HECW2: variants seen among roughly 807,000 people sequenced by gnomAD.
HECW2 encodes the protein E3 ubiquitin-protein ligase HECW2.
A neutral mutation model predicts 175.2 loss-of-function variants in HECW2; 61 were observed. That is an observed-to-expected ratio of 0.35 (90% CI 0.28 to 0.43). HECW2 has a LOEUF of 0.43. HECW2 is among the 20% of genes least tolerant of loss of function. The pLI is 1.00. For synonymous variants in HECW2, 671 were observed against 731.0 expected, an observed-to-expected ratio of 0.92 and a Z score of 1.32; for missense variants, 1,524 against 2,000.5, an observed-to-expected ratio of 0.76 and a Z score of 4.54.
intron 28 of HECW2, among the ~76,000 whole-genome samples, chr2:196,211,505 C>T (rs1031582143): frequency 6.6e-6 from 1 of 152,130 alleles, no homozygotes; most frequent in Non-Finnish European, 1.5e-5. Context: ...GGTCTCTAGT[C>T]ACTTCATAAC....
chr2:196,351,839 G>C (rs1224848665), intron 2 of HECW2, among the ~76,000 whole-genome samples: 3 of 152,184 alleles, frequency 2.0e-5, no homozygotes, highest in Non-Finnish European at 4.4e-5. Flanking sequence ...GCAATACTAA[G>C]CTAGGAGTTG....
chr2:196,578,894 C>T (rs1363349310), intron 1 of HECW2, among the ~76,000 whole-genome samples: 1 of 152,090 alleles, frequency 6.6e-6, no homozygotes, highest in South Asian at 2.1e-4. Flanking sequence ...AACATTAACT[C>T]AAAGCCACAC....
At chr2:196,223,676 C>G (rs148124296) in intron 23 of HECW2, among the ~76,000 whole-genome samples, 1 of 152,024 alleles carries the variant, frequency 6.6e-6, no homozygotes, top group East Asian at 1.9e-4. Flanking sequence ...CATGATCAGA[C>G]GTGAAATGTG....
intron 17 of HECW2, among the ~76,000 whole-genome samples, chr2:196,266,670 G>T (rs12479171): frequency 0.022 from 3,318 of 152,220 alleles, 120 homozygotes; most frequent in East Asian, 0.16. Flanking sequence ...AAATTCATTT[G>T]CCACAAAGCT....
chr2:196,222,152 T>G, intron 24 of HECW2, 59 bp downstream of exon 24: 1 of 1,508,916 alleles, frequency 6.6e-7, no homozygotes, highest in Non-Finnish European at 9.0e-7. Context: ...AGTTAATTCT[T>G]CACTCATCAA....
chr2:196,462,035 C>CAT lies in HECW2; in HGVS notation c.-35-28579_-35-28578dup, dbSNP rs547958103. ...CATCCTGTCAGACCTTTTCTGTACT[C>CAT]ATATATATATGTGTGTGTGCGTATA... On this transcript the variant is annotated intron_variant, in intron 1 of 28. Transcript: ENST00000644978. Among the ~76,000 whole-genome samples the CAT allele has an allele frequency of 2.6e-4, 39 of 152,008 alleles. No individual in the cohort carries two copies. In the South Asian group the frequency reaches 6.9e-3, roughly 27 times the overall value.
chr2:196,306,757 G>T, intron 12 of HECW2, 145 bp from the exon 13 acceptor site: 2 of 812,406 alleles, frequency 2.5e-6, no homozygotes, highest in Non-Finnish European at 3.6e-6. Context: ...TTTTTTCTTT[G>T]CTGTAAATTC....
chr2:196,259,496 T>A (rs1028606345), intron 17 of HECW2, among the ~76,000 whole-genome samples: 1 of 152,204 alleles, frequency 6.6e-6, no homozygotes, highest in Admixed American at 6.5e-5. Context: ...ATATGATAGA[T>A]GAAGCAGCTA....
At chr2:196,515,397 C>T (rs1481724109) in intron 1 of HECW2, among the ~76,000 whole-genome samples, 4 of 152,310 alleles carry the variant, frequency 2.6e-5, no homozygotes, top group African/African-American at 4.8e-5. Context: ...AAGGTGCTGC[C>T]GGCAACAGAG....
intron 2 of HECW2, among the ~76,000 whole-genome samples, chr2:196,428,271 G>C (rs1405734716): frequency 2.0e-5 from 3 of 152,134 alleles, no homozygotes; most frequent in African/African-American, 7.2e-5. Flanking sequence ...ACAACTGAAG[G>C]GGAGAGGCTG....
intron 17 of HECW2, among the ~76,000 whole-genome samples, chr2:196,259,412 G>T (rs1199367598): frequency 6.6e-6 from 1 of 152,186 alleles, no homozygotes; most frequent in Non-Finnish European, 1.5e-5. Flanking sequence ...CAATGGATTT[G>T]CCCTTAGCCA....
rs1171748832 is a variant in HECW2, at chr2:196,325,097, A to G, written c.624T>C (p.Tyr208=). The G allele has an allele frequency of 6.2e-7, 1 of 1,612,770 alleles. No individual in the cohort carries two copies. The highest frequency in any genetic ancestry group is 1.7e-5 in the Admixed American group (1 of 59,792). Residue 208 remains tyrosine (Y), a synonymous_variant, in exon 6 of 29, where the codon TAT becomes TAC. Transcript: ENST00000644978. ...KKGMFFNPDP[Y]LKMSIQPGKK... is the part of the protein sequence containing the mutation. ...TTCCTGGCTGAATTGACATCTTAAG[A>G]TAAGGGTCAGGATTGAAGAACATCC...
intron 14 of HECW2, chr2:196,291,088 T>C (rs993649815): frequency 1.3e-5 from 2 of 152,188 alleles, no homozygotes; most frequent in African/African-American, 4.8e-5. Context: ...TCAGGTAATA[T>C]TGCTGGAAGC....
intron 20 of HECW2, 78 bp from the exon 21 acceptor site, chr2:196,240,640 A>G (rs1575276898): frequency 1.5e-6 from 2 of 1,302,760 alleles, no homozygotes; most frequent in African/African-American, 1.5e-5. Flanking sequence ...TTTCTAGAAC[A>G]TTTCCATTTG....
intron 1 of HECW2, among the ~76,000 whole-genome samples, chr2:196,467,417 T>C (rs1265709831): frequency 2.0e-5 from 3 of 152,122 alleles, no homozygotes; most frequent in Non-Finnish European, 4.4e-5. Context: ...CTGCTATTTA[T>C]TGAGAGCTTT....
chr2:196,392,708 C>T (rs1286235761), intron 2 of HECW2, among the ~76,000 whole-genome samples: 1 of 151,946 alleles, frequency 6.6e-6, no homozygotes, highest in Non-Finnish European at 1.5e-5. Flanking sequence ...AAAAGCAATA[C>T]AAATCAACAC....
chr2:196,559,232 AG>A (rs1689914066), intron 1 of HECW2, among the ~76,000 whole-genome samples: 1 of 152,174 alleles, frequency 6.6e-6, no homozygotes, highest in Non-Finnish European at 1.5e-5. Context: ...CACCTGAGTG[AG>A]CCAGTAAGAT....
intron 1 of HECW2, among the ~76,000 whole-genome samples, chr2:196,545,753 A>G (rs910968768): frequency 5.3e-5 from 8 of 152,324 alleles, no homozygotes; most frequent in Admixed American, 3.9e-4. Context: ...TCAGAAAGCA[A>G]TCACATTTCC....
At chr2:196,590,492 A>C (rs1026028433) in intron 1 of HECW2, among the ~76,000 whole-genome samples, 2 of 152,230 alleles carry the variant, frequency 1.3e-5, no homozygotes, top group Non-Finnish European at 2.9e-5. Flanking sequence ...AGTAGTCAGC[A>C]ATGCACAAGA....
Sources: gnomAD v4.1 joint callset for allele counts (sites outside exome capture counted in the v4.1 genomes callset) on GRCh38, gnomAD v4.1.1 for gene constraint, MANE v1.5 for transcripts, NCBI Gene and HGNC (gene_info 2026-07-23, HGNC 2026-07-21) for gene names.